Variants in GLT1D1 observed in about 807,000 individuals in gnomAD.
The protein encoded by GLT1D1 is glycosyltransferase 1 domain containing 1.
A neutral mutation model predicts 28.7 loss-of-function variants in GLT1D1; 21 were observed. That is an observed-to-expected ratio of 0.73 (90% confidence interval 0.52 to 1.05). The LOEUF is 1.05. GLT1D1 is among the 50% of genes least tolerant of loss of function. GLT1D1 has a pLI of 0.00. For synonymous variants in GLT1D1, 147 were observed against 124.8 expected (o/e 1.18, Z -1.19); for missense variants, 343 against 330.6 (o/e 1.04, Z -0.29).
In GLT1D1 at chr12:128,934,196, G is replaced by GT. The variant is rs1410503648; in HGVS notation, c.376-11129dup. Reference sequence around the variant, plus strand: ...GACTTACTGTGTCTTCAAAGAGACAGTCTTTTTTTTTTTTTTTTTTTTTTT... The same window carrying GT: ...GACTTACTGTGTCTTCAAAGAGACAGTTCTTTTTTTTTTTTTTTTTTTTTTT... On this transcript the variant is annotated intron_variant, in intron 4 of 7. Coordinates refer to ENST00000281703, the MANE Select transcript of GLT1D1 (RefSeq NM_144669.3). 7.4e-3 allele frequency among the ~76,000 whole-genome samples: 946 copies of GT among 128,658 alleles called. 12 individuals carry two copies. The highest frequency in any genetic ancestry group is 0.021 in the Middle Eastern group (5 of 242). The allele number at this position is 128,658 out of a possible 152,430, so 84.4% of individuals were successfully genotyped here.
In GLT1D1 at chr12:128,938,590, G is replaced by A. The variant is rs138727908; in HGVS notation, c.376-6736G>A. Among the ~76,000 whole-genome samples the A allele has an allele frequency of 1.6e-4, 24 of 152,258 alleles. No individual in the cohort carries two copies. In the East Asian group the frequency reaches 4.6e-3, roughly 29 times the overall value. On this transcript the variant is annotated intron_variant, in intron 4 of 7. Coordinates refer to ENST00000281703, the MANE Select transcript of GLT1D1 (RefSeq NM_144669.3). ...GGAAATAAAGTTTCTAGAAAGCAGC[G>A]TTATTTCAGTTAGTGTTATAAACTG...
rs976710164 is a variant in GLT1D1 at position 128,957,519 on chromosome 12, A to G, written c.541-26A>G. 3.3e-6 allele frequency: 5 copies of G among 1,520,840 alleles called. No homozygotes were observed. In the Admixed American group the frequency reaches 8.4e-5, roughly 25 times the overall value. 94.2% of individuals were successfully genotyped at this position (1,520,840 alleles called of 1,614,324 possible). On this transcript the variant is annotated intron_variant, in intron 6 of 7. Transcript: ENST00000281703. ...GAGGCTCTTGAAATGACTGCCTTCC[A>G]CCCCCTTTTCTCCTGTCTCCTCCAG...
At chr12:128,902,512 A>G (rs937373351) in intron 4 of GLT1D1, among the ~76,000 whole-genome samples, 1 of 151,260 alleles carries the variant, frequency 6.6e-6, no homozygotes, top group African/African-American at 2.4e-5. Flanking sequence ...AAAGAAAAAA[A>G]GAAAAGTTCC....
intron 4 of GLT1D1, 86 bp from the exon 6 acceptor site, chr12:128,914,847 A>C (rs922423656): frequency 2.2e-6 from 2 of 898,676 alleles, no homozygotes; most frequent in Non-Finnish European, 3.5e-6. Flanking sequence ...AGTAATAATA[A>C]TAATAAGCCT....
At chr12:128,952,866 C>T (rs1038522529) in intron 6 of GLT1D1, among the ~76,000 whole-genome samples, 12 of 145,934 alleles carry the variant, frequency 8.2e-5, no homozygotes, top group Non-Finnish European at 1.6e-4. Context: ...GAAGCTTCCA[C>T]CTCCCCGGTT....
chr12:128,864,159 G>A, intron 1 of GLT1D1: 1 of 687,130 alleles, frequency 1.5e-6, no homozygotes, highest in South Asian at 1.5e-5. Context: ...TGACTGCGAG[G>A]TGCCTGTCAG....
chr12:128,942,575 A>G (rs1875412480), intron 4 of GLT1D1, among the ~76,000 whole-genome samples: 1 of 152,012 alleles, frequency 6.6e-6, no homozygotes, highest in Non-Finnish European at 1.5e-5. Flanking sequence ...GGCTTGTTTC[A>G]TTTGTTCTGG....
chr12:128,914,484 C>T (rs1341027168), intron 4 of GLT1D1, among the ~76,000 whole-genome samples: 5 of 152,200 alleles, frequency 3.3e-5, no homozygotes, highest in East Asian at 3.9e-4. Context: ...CTCAGAGCAT[C>T]GAGCGGCTTT....
At chr12:128,886,401 A>G (rs1868388929) in intron 2 of GLT1D1, among the ~76,000 whole-genome samples, 1 of 152,154 alleles carries the variant, frequency 6.6e-6, no homozygotes, top group Admixed American at 6.6e-5. Flanking sequence ...AATTGCTCCC[A>G]GAGATGTCCA....
chr12:128,929,182 T>A (rs1158416012), intron 4 of GLT1D1, among the ~76,000 whole-genome samples: 1 of 152,250 alleles, frequency 6.6e-6, no homozygotes, highest in Non-Finnish European at 1.5e-5. Flanking sequence ...CACCTCAGTG[T>A]TGGCTTCCAC....
intron 7 of GLT1D1, among the ~76,000 whole-genome samples, chr12:128,966,586 T>C (rs776110705): frequency 3.4e-4 from 51 of 152,190 alleles, no homozygotes; most frequent in Non-Finnish European, 7.1e-4. Flanking sequence ...TGAGGCCTCA[T>C]CTGGGGGGTT....
intron 7 of GLT1D1, among the ~76,000 whole-genome samples, chr12:128,977,015 A>T (rs914613603): frequency 7.9e-5 from 12 of 152,166 alleles, no homozygotes; most frequent in African/African-American, 2.9e-4. Flanking sequence ...GCGTGGTGGC[A>T]CAAGCCTGTA....
chr12:128,904,848 G>T (rs1345552993), intron 4 of GLT1D1, among the ~76,000 whole-genome samples: 1 of 152,070 alleles, frequency 6.6e-6, no homozygotes, highest in African/African-American at 2.4e-5. Flanking sequence ...TGGCCAGGCT[G>T]GTCTTGAACT....
In GLT1D1 at chr12:128,908,885, C is replaced by G. The variant is rs1336586752; in HGVS notation, c.375+9598C>G. ...AATGGCGTGAACCCGGGAGGCAGAG[C>G]TTGCAGTGAGCCGAGATCGCGCCCC... On this transcript the variant is annotated intron_variant, in intron 4 of 7. Transcript: ENST00000281703. 2.0e-5 allele frequency among the ~76,000 whole-genome samples: 3 copies of G among 152,150 alleles called. No homozygotes were observed. In the South Asian group the frequency reaches 6.2e-4, roughly 32 times the overall value.
At chr12:128,915,563 C>T (rs1435147447) in intron 4 of GLT1D1, among the ~76,000 whole-genome samples, 2 of 151,970 alleles carry the variant, frequency 1.3e-5, no homozygotes, top group African/African-American at 4.8e-5. Context: ...CGGGGTTTTG[C>T]CGTATTGGCC....
intron 6 of GLT1D1, among the ~76,000 whole-genome samples, chr12:128,954,947 C>T (rs1396831358): frequency 1.3e-5 from 2 of 152,212 alleles, no homozygotes; most frequent in African/African-American, 2.4e-5. Context: ...GAGTGAGACC[C>T]TGTCCCCTCT....
chr12:128,963,603 G>A (rs529482130), intron 7 of GLT1D1, among the ~76,000 whole-genome samples: 48 of 152,268 alleles, frequency 3.2e-4, no homozygotes, highest in Middle Eastern at 3.4e-3. Flanking sequence ...CTGAGATTAC[G>A]CCATTGCACT....
intron 6 of GLT1D1, among the ~76,000 whole-genome samples, chr12:128,955,321 C>A (rs894098387): frequency 2.0e-5 from 3 of 152,208 alleles, no homozygotes; most frequent in African/African-American, 7.2e-5. Context: ...GTCTCTTTCT[C>A]TCTCTTTTCT....
Position 128,983,229 on chromosome 12 carries a change from A to G in GLT1D1, c.*139A>G, listed in dbSNP as rs1238555863. On this transcript the variant is annotated 3_prime_UTR_variant, in exon 8 of 8. Transcript: ENST00000281703. This position sits in a 1 kb window ranked among gnomAD's most constrained non-coding sequence, Gnocchi z 4.7. ...GGAATCCTAGAAAATGTTAGTCGTG[A>G]GTCCCCAGAGCCACTGCATTCATCC... The G allele has an allele frequency of 1.9e-5, 14 of 719,572 alleles. No homozygotes were observed. The highest frequency in any genetic ancestry group is 2.8e-5 in the Non-Finnish European group (12 of 431,948). The allele number at this position is 719,572 out of a possible 1,614,324, so 44.6% of individuals were successfully genotyped here.
Sources: gnomAD v4.1 joint callset for allele counts (sites outside exome capture counted in the v4.1 genomes callset) on GRCh38, gnomAD v4.1.1 for gene constraint, Gnocchi (gnomAD v3.1) non-coding constraint, MANE v1.5 for transcripts, NCBI Gene and HGNC (gene_info 2026-07-23, HGNC 2026-07-21) for gene names.